The following MED14 variants were observed in gnomAD, a reference collection of about 807,000 sequenced individuals.
MED14 encodes the protein mediator of RNA polymerase II transcription subunit 14.
MED14 carries 8 observed loss-of-function variants against 109.0 expected under a neutral mutation model. That is an observed-to-expected ratio of 0.07 (90% CI 0.04 to 0.13). The LOEUF (loss-of-function observed/expected upper bound fraction) is 0.13, where lower values mean the gene tolerates loss of function less well. MED14 is among the 10% of genes least tolerant of loss of function. MED14 has a pLI of 1.00. For missense variants in MED14, 711 were observed against 1,142.4 expected (o/e 0.62, Z 5.44); for synonymous variants, 399 against 408.7 (o/e 0.98, Z 0.29).
At position 40,730,911 on chromosome X, in the gene MED14, G is replaced by T. The variant is rs374665356; in HGVS notation, c.216-1566C>A. ...CCAGCACTTTGGGAGGCTTGGTGGCGGGGGGGTGGGGTGCAGATCGCTTGA... is the reference window on the plus strand; with the variant it reads ...CCAGCACTTTGGGAGGCTTGGTGGCTGGGGGGTGGGGTGCAGATCGCTTGA... On this transcript the variant is annotated intron_variant, in intron 1 of 30. Transcript: ENST00000324817. Among the ~76,000 whole-genome samples the T allele has an allele frequency of 2.8e-3, 286 of 100,800 alleles. 5 individuals are homozygous for T. Among genetic ancestry groups the T allele is most frequent in the Non-Finnish European group, 3.4e-3 (169 of 49,397 alleles). 87.5% of individuals were successfully genotyped at this position (100,800 alleles called of 115,157 possible).
chrX:40,694,411 C>A (rs1930650203), intron 13 of MED14, among the ~76,000 whole-genome samples: 1 of 111,169 alleles, frequency 9.0e-6, no homozygotes, highest in African/African-American at 3.3e-5. Context: ...AAATATATGC[C>A]ATTAGGAAAG....
At chrX:40,723,713 T>C (rs377646710) in intron 3 of MED14, among the ~76,000 whole-genome samples, 1 of 25,631 alleles carries the variant, frequency 3.9e-5, no homozygotes, top group East Asian at 7.8e-4. Flanking sequence ...ACACAAAAAA[T>C]AAAAAACAAG....
At chrX:40,682,394 T>A (rs1050250574) in intron 18 of MED14, among the ~76,000 whole-genome samples, 2 of 111,929 alleles carry the variant, frequency 1.8e-5, no homozygotes, top group Non-Finnish European at 3.8e-5. Context: ...TATACCTGTG[T>A]GTAAAATTTT....
At chrX:40,676,171 C>A (rs1929902565) in intron 21 of MED14, among the ~76,000 whole-genome samples, 1 of 111,692 alleles carries the variant, frequency 9.0e-6, no homozygotes, top group Non-Finnish European at 1.9e-5. Context: ...GTGGATCCAG[C>A]TACTAGGGAG....
rs113688732 is a variant in MED14 at position 40,699,544 on chromosome X, G to A, written c.1490+1621C>T. ...CTTTTCTTATAAATAAATCATGTAA[G>A]TTTACATACAGGCACACATTTGGTG... On this transcript the variant is annotated intron_variant, in intron 12 of 30. Transcript: ENST00000324817. Among the ~76,000 whole-genome samples the A allele has an allele frequency of 6.4e-3, 719 of 111,894 alleles. 4 individuals carry two copies. The highest frequency in any genetic ancestry group is 0.022 in the African/African-American group (689 of 30,830).
chrX:40,691,463 T>A (rs1930496280), intron 15 of MED14, among the ~76,000 whole-genome samples: 1 of 111,512 alleles, frequency 9.0e-6, no homozygotes, highest in South Asian at 3.7e-4. Flanking sequence ...TCTTTAATTT[T>A]TTTAAAAGAG....
intron 12 of MED14, among the ~76,000 whole-genome samples, chrX:40,699,620 C>T (rs1930848186): frequency 8.9e-6 from 1 of 111,898 alleles, no homozygotes; most frequent in Admixed American, 9.5e-5. Context: ...ATATTTTGGG[C>T]AGCTAGAACT....
Position 40,709,443 on chromosome X carries a change from A to G in MED14, c.1190T>C (p.Ile397Thr), listed in dbSNP as rs1026542427. ...ERAMKIDHLS[I>T]EKLLIDSVHA... ...GACACTGTCAATCAGGAGTTTTTCT[A>G]TTGATAAGTGGTCGATCTGCATAAA... Residue 397 changes from isoleucine (I) to threonine (T), a missense_variant, in exon 10 of 31, where the codon ATA becomes ACA. By Grantham distance (89) the Ile-to-Thr change is moderately conservative. This residue lies in a region of MED14 where 388 missense variants were observed against 517.3 expected (regional missense o/e 0.75). Transcript: ENST00000324817. 5 of 1,114,417 alleles carry G rather than the reference A, an allele frequency of 4.5e-6. No homozygotes were observed. Among genetic ancestry groups the G allele is most frequent in the Non-Finnish European group, 6.0e-6 (5 of 829,259 alleles). 91.8% of individuals were successfully genotyped at this position (1,114,417 alleles called of 1,213,427 possible). A position where few individuals can be genotyped will look rare whatever the true frequency, so the allele number is the denominator to read the frequency against.
At position 40,659,519 on chromosome X, in the gene MED14, T is replaced by C. The variant is rs1929188729; in HGVS notation, c.3773A>G (p.Asn1258Ser). ...KCRVALSPKT[N>S]QTLQLKVTPE... ...TGTCACTTTTAGCTGAAGCGTTTGG[T>C]TGGTTTTGGGACTAAGAGCTACTCT... The change falls in exon 27 of 31, where the codon AAC (asparagine) becomes AGC (serine). Residue 1258 changes from asparagine to serine, a missense_variant. Physicochemically the swap from Asn to Ser is conservative, Grantham distance 46 (BLOSUM62 1). Coordinates refer to ENST00000324817, the MANE Select transcript of MED14 (RefSeq NM_004229.4). 1.7e-6 allele frequency: 2 copies of C among 1,211,684 alleles called. No individual in the cohort carries two copies.
intron 29 of MED14, 149 bp downstream of exon 29, chrX:40,654,786 T>C: frequency 7.8e-6 from 6 of 769,051 alleles, no homozygotes; most frequent in Non-Finnish European, 1.1e-5. Flanking sequence ...GGAACCAGGA[T>C]GTCATGACAT....
At position 40,666,602 on chromosome X, in the gene MED14, A is replaced by G. The variant is rs949189075; in HGVS notation, c.3265+118T>C. ...ATTTGATTTTCTTTTTGCTTGAGCAATATTTTTGCTACTTCCTCAATAAAC... is the reference window on the plus strand; with the variant it reads ...ATTTGATTTTCTTTTTGCTTGAGCAGTATTTTTGCTACTTCCTCAATAAAC... On this transcript the variant is annotated intron_variant, in intron 24 of 30. Transcript: ENST00000324817. 1.2e-5 allele frequency: 9 copies of G among 774,810 alleles called. No individual in the cohort carries two copies. The African/African-American group carries it at 1.9e-4, about 16-fold the overall frequency. 63.9% of individuals were successfully genotyped at this position (774,810 alleles called of 1,213,427 possible).
At chrX:40,702,164 AT>A (rs1189948330) in intron 11 of MED14, among the ~76,000 whole-genome samples, 1 of 111,405 alleles carries the variant, frequency 9.0e-6, no homozygotes, top group Non-Finnish European at 1.9e-5. Flanking sequence ...GACAAAATAA[AT>A]TTCTGTTGTT....
intron 30 of MED14, 92 bp from the exon 31 acceptor site, chrX:40,651,971 G>A (rs1928896686): frequency 1.1e-6 from 1 of 875,482 alleles, no homozygotes; most frequent in African/African-American, 2.1e-5. Flanking sequence ...TCTAAAATTA[G>A]TGAGAACTTT....
chrX:40,709,028 A>AAT (rs1445165411), intron 10 of MED14, among the ~76,000 whole-genome samples: 1 of 111,311 alleles, frequency 9.0e-6, no homozygotes, highest in African/African-American at 3.3e-5. Flanking sequence ...GGCTTGTCTA[A>AAT]AGCTCCTGGC....
chrX:40,651,191 G>A lies in MED14; in HGVS notation c.*615C>T. ...ATGTATTATTATAAATTAATAACTG[G>A]CTCCATCCACCAGGTTAAAGATGAA... On this transcript the variant is annotated 3_prime_UTR_variant, in exon 31 of 31. Transcript: ENST00000324817. The A allele has an allele frequency of 1.3e-6, 1 of 750,089 alleles. No homozygotes were observed. The highest frequency in any genetic ancestry group is 1.6e-6 in the Non-Finnish European group (1 of 635,323). 61.8% of individuals were successfully genotyped at this position (750,089 alleles called of 1,213,427 possible).
intron 3 of MED14, chrX:40,714,982 A>C (rs753239223): frequency 2.9e-5 from 7 of 242,675 alleles, no homozygotes; most frequent in Non-Finnish European, 5.1e-5. Flanking sequence ...CATAATATCA[A>C]AGTTAGGAAA....
In MED14 at chrX:40,653,626, A is replaced by G. The variant is rs12010371; in HGVS notation, c.4291+738T>C. ...AATTTTAAATTTCCTTAATATTAGA[A>G]ATGAGCAAAATGGAAGAAAAGTTCT... is the stretch of plus-strand genomic sequence containing the variant. On this transcript the variant is annotated intron_variant, in intron 30 of 30. Coordinates refer to ENST00000324817, the MANE Select transcript of MED14 (RefSeq NM_004229.4). Among the ~76,000 whole-genome samples the G allele has an allele frequency of 5.2e-3, 580 of 112,334 alleles. 5 individuals are homozygous for G. The highest frequency in any genetic ancestry group is 0.018 in the African/African-American group (556 of 30,952).
In MED14 at chrX:40,680,828, C is replaced by T; in HGVS notation, c.2540G>A (p.Cys847Tyr). 8.3e-7 allele frequency: 1 copy of T among 1,201,159 alleles called. No individual in the cohort carries two copies. The highest frequency in any genetic ancestry group is 1.1e-6 in the Non-Finnish European group (1 of 886,233). Residue 847 changes from cysteine (C) to tyrosine (Y), a missense_variant, in exon 20 of 31, where the codon TGT becomes TAT. By Grantham distance (194) the Cys-to-Tyr change is radical. This residue lies in a region of MED14 where 29 missense variants were observed against 102.4 expected (regional missense o/e 0.28). Coordinates refer to ENST00000324817, the MANE Select transcript of MED14 (RefSeq NM_004229.4). ...AAGCTGATGGAGAATGGTATTGTGA[C>T]AGTTACTGCAACCTGAGTTTGGGCC... ...TVGPNSGCSN[C>Y]HNTILHQLQE...
intron 10 of MED14, among the ~76,000 whole-genome samples, chrX:40,705,732 G>A (rs1188357283): frequency 9.0e-6 from 1 of 111,560 alleles, no homozygotes; most frequent in Non-Finnish European, 1.9e-5. Flanking sequence ...TGTGAAGAGT[G>A]AAGAGCGGCA....
Sources: allele counts gnomAD v4.1 joint callset (sites outside exome capture counted in the v4.1 genomes callset), GRCh38; gene constraint gnomAD v4.1.1; regional missense constraint gnomAD v4.1.1; transcripts MANE v1.5; gene names NCBI Gene and HGNC (gene_info 2026-07-23, HGNC 2026-07-21).